Variants in SGCZ observed in about 807,000 individuals in gnomAD.
The protein encoded by SGCZ is zeta-sarcoglycan.
SGCZ carries 40 observed loss-of-function variants against 41.3 expected under a neutral mutation model. The observed-to-expected ratio is 0.97, with a 90% CI of 0.75 to 1.26. SGCZ has a LOEUF of 1.26. Ranked by LOEUF, SGCZ falls within the 50% of genes most tolerant of loss-of-function variation. SGCZ has a pLI of 0.00. For synonymous variants in SGCZ, 206 were observed against 137.5 expected, an observed-to-expected ratio of 1.50 and a Z score of -3.49; for missense variants, 552 against 369.8, an observed-to-expected ratio of 1.49 and a Z score of -4.04.
In SGCZ at chr8:14,198,898, TCTTTA is replaced by T. The variant is rs765761072; in HGVS notation, c.425-34201_425-34197del. Among the ~76,000 whole-genome samples, 7 of 152,326 alleles carry T rather than the reference TCTTTA, an allele frequency of 4.6e-5. No individual in the cohort carries two copies. The East Asian group carries it at 1.2e-3, about 25-fold the overall frequency. On this transcript the variant is annotated intron_variant, in intron 4 of 7. Transcript: ENST00000382080. ...ATACTCTTGTGATTTCCTATGGCTG[TCTTTA>T]CTTTAATCTCTTAATCCTGTCATCT...
chr8:14,853,176 T>C (rs1803401724), intron 1 of SGCZ, among the ~76,000 whole-genome samples: 1 of 152,216 alleles, frequency 6.6e-6, no homozygotes, highest in Middle Eastern at 3.2e-3. Context: ...ATTTCAAATG[T>C]CTGCATGGAA....
chr8:14,188,437 C>A (rs1299575247), intron 4 of SGCZ, among the ~76,000 whole-genome samples: 1 of 150,864 alleles, frequency 6.6e-6, no homozygotes, highest in Non-Finnish European at 1.5e-5. Context: ...GGTGAAAAAA[C>A]CCAGTCACAG....
At chr8:14,328,349 A>C (rs907285342) in intron 2 of SGCZ, among the ~76,000 whole-genome samples, 2 of 152,182 alleles carry the variant, frequency 1.3e-5, no homozygotes, top group African/African-American at 4.8e-5. Context: ...CATTGTTACC[A>C]GAAGGTAACA....
intron 1 of SGCZ, among the ~76,000 whole-genome samples, chr8:15,235,978 T>A (rs34956190): frequency 0.44 from 66,714 of 152,104 alleles, 16,300 homozygotes; most frequent in Non-Finnish European, 0.57. Context: ...CAATGTGTCC[T>A]ATCGGAGTAG....
intron 1 of SGCZ, among the ~76,000 whole-genome samples, chr8:15,128,437 C>G (rs573610560): frequency 4.7e-4 from 72 of 152,208 alleles, no homozygotes; most frequent in African/African-American, 1.7e-3. Context: ...CTTATGCAGA[C>G]GTTTTGCAGG....
chr8:14,507,860 C>A (rs912055810), intron 2 of SGCZ, among the ~76,000 whole-genome samples: 53 of 151,990 alleles, frequency 3.5e-4, no homozygotes, highest in African/African-American at 1.2e-3. Flanking sequence ...CAATCTCTGC[C>A]TCCCAGATTC....
At chr8:14,957,898 G>A (rs1408757404) in intron 1 of SGCZ, among the ~76,000 whole-genome samples, 1 of 151,906 alleles carries the variant, frequency 6.6e-6, no homozygotes, top group African/African-American at 2.4e-5. Context: ...TTTACTAAGA[G>A]AATGACAACA....
intron 1 of SGCZ, among the ~76,000 whole-genome samples, chr8:14,811,758 G>A (rs1293694637): frequency 6.6e-6 from 1 of 151,744 alleles, no homozygotes. Context: ...TAACAGAAAT[G>A]ACACATGAAG....
At chr8:14,575,196 C>T (rs1367375239) in intron 1 of SGCZ, among the ~76,000 whole-genome samples, 1 of 152,022 alleles carries the variant, frequency 6.6e-6, no homozygotes. Context: ...TTTAAGATGT[C>T]AATATTTGTT....
intron 2 of SGCZ, among the ~76,000 whole-genome samples, chr8:14,444,818 T>G (rs1800386072): frequency 2.0e-5 from 3 of 151,838 alleles, no homozygotes; most frequent in Admixed American, 1.3e-4. Context: ...ATAATAATAA[T>G]GAAATAAAAT....
At chr8:14,239,695 G>A (rs1798791238) in intron 3 of SGCZ, among the ~76,000 whole-genome samples, 1 of 151,502 alleles carries the variant, frequency 6.6e-6, no homozygotes, top group African/African-American at 2.4e-5. Flanking sequence ...GAGGTCAGGA[G>A]ATCGAGACCA....
At chr8:14,687,019 G>C (rs1808632099) in intron 1 of SGCZ, among the ~76,000 whole-genome samples, 1 of 151,380 alleles carries the variant, frequency 6.6e-6, no homozygotes, top group Non-Finnish European at 1.5e-5. Context: ...ACCAAGCCAA[G>C]CCAAATAAAC....
chr8:15,085,945 T>C (rs987033962), intron 1 of SGCZ, among the ~76,000 whole-genome samples: 3 of 152,192 alleles, frequency 2.0e-5, no homozygotes, highest in African/African-American at 4.8e-5. Flanking sequence ...TGATGTTCCC[T>C]TTATCTGCTG....
intron 2 of SGCZ, among the ~76,000 whole-genome samples, chr8:14,368,258 C>T (rs927844955): frequency 1.1e-4 from 16 of 151,858 alleles, no homozygotes; most frequent in African/African-American, 3.9e-4. Context: ...TGTTATAATT[C>T]ATATGTTCTA....
At chr8:15,103,830 C>A (rs1806707953) in intron 1 of SGCZ, among the ~76,000 whole-genome samples, 1 of 152,012 alleles carries the variant, frequency 6.6e-6, no homozygotes, top group South Asian at 2.1e-4. Flanking sequence ...CAGTCCCACA[C>A]TAAGAAAATA....
At chr8:15,055,983 T>C (rs193270951) in intron 1 of SGCZ, among the ~76,000 whole-genome samples, 5 of 152,308 alleles carry the variant, frequency 3.3e-5, no homozygotes, top group Admixed American at 3.3e-4. Context: ...CTATCGATCG[T>C]AAAGCTGGGT....
At chr8:15,158,074 A>G (rs974898165) in intron 1 of SGCZ, among the ~76,000 whole-genome samples, 1 of 151,934 alleles carries the variant, frequency 6.6e-6, no homozygotes, top group Admixed American at 6.6e-5. Context: ...CACAAATGGT[A>G]TCATCTCCAA....
At chr8:14,747,570 T>C (rs1799370466) in intron 1 of SGCZ, among the ~76,000 whole-genome samples, 1 of 152,096 alleles carries the variant, frequency 6.6e-6, no homozygotes, top group South Asian at 2.1e-4. Context: ...TATTTTTGTA[T>C]TAATAATTTG....
At chr8:14,859,505 T>G (rs1803649942) in intron 1 of SGCZ, among the ~76,000 whole-genome samples, 1 of 152,158 alleles carries the variant, frequency 6.6e-6, no homozygotes, top group Admixed American at 6.6e-5. Flanking sequence ...TTTGGAAGAC[T>G]ACACTCCCCA....
Sources: allele counts gnomAD v4.1 joint callset (sites outside exome capture counted in the v4.1 genomes callset), GRCh38; gene constraint gnomAD v4.1.1; transcripts MANE v1.5; gene names NCBI Gene and HGNC (gene_info 2026-07-23, HGNC 2026-07-21).